The following OSBPL2 variants were observed in gnomAD, a reference collection of about 807,000 sequenced individuals.
OSBPL2 encodes oxysterol binding protein like 2, also known as oxysterol-binding protein-related protein 2.
A neutral mutation model predicts 58.4 loss-of-function variants in OSBPL2; 18 were observed. The ratio of observed to expected loss-of-function variants is 0.31; its 90% CI spans 0.21 to 0.46. The LOEUF (loss-of-function observed/expected upper bound fraction) is 0.46, where lower values mean the gene tolerates loss of function less well. Ranked by LOEUF, OSBPL2 falls within the 20% of genes least tolerant of loss-of-function variation. The pLI is 1.00. For missense variants in OSBPL2, 461 were observed against 616.5 expected (o/e 0.75, Z 2.67); for synonymous variants, 221 against 234.1 (o/e 0.94, Z 0.51).
rs1982621008 is a variant in OSBPL2 at position 62,279,240 on chromosome 20, A to G, written c.575A>G (p.His192Arg). The change falls in exon 7 of 14, where the codon CAT becomes CGT. Residue 192 changes from histidine (H) to arginine (R), a missense_variant. His to Arg is a conservative substitution (Grantham distance 29). Around this residue, in one of 5 missense-constraint regions of OSBPL2, gnomAD observed 319 missense variants for 419.2 expected, o/e 0.76. Transcript: ENST00000313733. Reference protein sequence around the residue: ...ISAFHSEGLNHDFLFHGSIYP... With the variant: ...ISAFHSEGLNRDFLFHGSIYP... ...GCGTTCCACTCGGAAGGTCTCAACCATGACTTCCTGTTCCATGGCTCCATC... is the reference window on the plus strand; with the variant it reads ...GCGTTCCACTCGGAAGGTCTCAACCGTGACTTCCTGTTCCATGGCTCCATC... 6.2e-7 allele frequency: 1 copy of G among 1,614,098 alleles called. No individual in the cohort carries two copies. The highest frequency in any genetic ancestry group is 1.7e-5 in the Admixed American group (1 of 60,008).
chr20:62,293,353 C>G (rs1983652463), intron 13 of OSBPL2, among the ~76,000 whole-genome samples: 1 of 152,202 alleles, frequency 6.6e-6, no homozygotes, highest in African/African-American at 2.4e-5. Flanking sequence ...ACACTCAGGC[C>G]CTGTGCTACC....
rs1022836666 is a variant in OSBPL2 at position 62,295,326 on chromosome 20, T to TGTGC, written c.*1440_*1443dup. 6.6e-6 allele frequency: 1 copy of TGTGC among 152,152 alleles called. No homozygotes were observed. The highest frequency in any genetic ancestry group is 2.4e-5 in the African/African-American group (1 of 41,452). 9.4% of individuals were successfully genotyped at this position (152,152 alleles called of 1,614,324 possible). ...GAGCACTTTGAAAGACCGTCGGTTG[T>TGTGC]GTGCACGCACGCACACACTCATGCA... is the stretch of plus-strand genomic sequence containing the variant. On this transcript the variant is annotated 3_prime_UTR_variant, in exon 14 of 14. Transcript: ENST00000313733. The surrounding 1 kb of genome is among the most constrained non-coding windows in gnomAD (Gnocchi z 4.8).
chr20:62,282,864 C>G (rs1982879678), intron 9 of OSBPL2, among the ~76,000 whole-genome samples: 3 of 152,166 alleles, frequency 2.0e-5, no homozygotes, highest in Non-Finnish European at 4.4e-5. Context: ...CTCTGTCCAC[C>G]CTCTATGGTA....
chr20:62,286,507 G>T, intron 10 of OSBPL2, 76 bp from the exon 11 acceptor site: 27 of 1,519,894 alleles, frequency 1.8e-5, no homozygotes, highest in Non-Finnish European at 2.3e-5. Context: ...TCTGAAAGGC[G>T]CTCTGAGAAT....
At position 62,294,350 on chromosome 20, in the gene OSBPL2, A is replaced by C. The variant is rs1176700617; in HGVS notation, c.*463A>C. On this transcript the variant is annotated 3_prime_UTR_variant, in exon 14 of 14. Coordinates refer to ENST00000313733, the MANE Select transcript of OSBPL2 (RefSeq NM_144498.4). ...GCTAATCCTGCAGAGAGTTTTATAG[A>C]GGCCAGGGATTGCCTTCTAAATTAT... 1.9e-5 allele frequency: 3 copies of C among 158,740 alleles called. No individual in the cohort carries two copies. Among genetic ancestry groups the C allele is most frequent in the African/African-American group, 7.2e-5 (3 of 41,762 alleles). The allele number at this position is 158,740 out of a possible 1,614,324, so 9.8% of individuals were successfully genotyped here.
intron 1 of OSBPL2, among the ~76,000 whole-genome samples, chr20:62,251,884 T>TTTTC (rs1980574946): frequency 8.0e-6 from 1 of 124,690 alleles, no homozygotes; most frequent in South Asian, 2.9e-4. Context: ...TTTTTTTTTT[T>TTTTC]TTTTTTTTTT....
chr20:62,246,917 G>A (rs1007873118), intron 1 of OSBPL2, among the ~76,000 whole-genome samples: 3 of 152,164 alleles, frequency 2.0e-5, no homozygotes, highest in African/African-American at 7.2e-5. Context: ...TCTGATGCTC[G>A]TAGGTGACAC....
rs1901772199 is a variant in OSBPL2 at position 62,263,702 on chromosome 20, G to A, written c.258+11G>A. 6.2e-7 allele frequency: 1 copy of A among 1,612,600 alleles called. No individual in the cohort carries two copies. The highest frequency in any genetic ancestry group is 2.2e-5 in the East Asian group (1 of 44,876). On this transcript the variant is annotated intron_variant, in intron 4 of 13. Transcript: ENST00000313733. ...AAGTGTGTTGGCCTGGTGAGTCCGG[G>A]GGCCCGTGTTCACACATGGGGCTGC...
chr20:62,247,903 T>C (rs1053380090), intron 1 of OSBPL2, among the ~76,000 whole-genome samples: 9 of 151,516 alleles, frequency 5.9e-5, no homozygotes, highest in Non-Finnish European at 7.4e-5. Flanking sequence ...GACCTTGTGA[T>C]CCGCCCACCT....
At chr20:62,291,670 C>G in intron 12 of OSBPL2, 33 bp from the exon 13 acceptor site, 1 of 1,596,132 alleles carries the variant, frequency 6.3e-7, no homozygotes, top group South Asian at 1.1e-5. Context: ...TCTAAGGTCT[C>G]TGTCTGACCT....
intron 6 of OSBPL2, among the ~76,000 whole-genome samples, chr20:62,275,403 C>CTT (rs113767931): frequency 6.9e-6 from 1 of 145,362 alleles, no homozygotes. Flanking sequence ...TTTCTTGTTC[C>CTT]TTTTTTTTTT....
chr20:62,279,879 C>A, intron 7 of OSBPL2: 2 of 1,141,826 alleles, frequency 1.8e-6, no homozygotes, highest in Non-Finnish European at 2.3e-6. Context: ...GCCCTTTGCA[C>A]ACTCCCCCAC....
At chr20:62,283,388 C>T (rs113168332) in intron 9 of OSBPL2, among the ~76,000 whole-genome samples, 4,380 of 152,138 alleles carry the variant, frequency 0.029, 90 homozygotes, top group Non-Finnish European at 0.044. Flanking sequence ...TTGCACTTCC[C>T]GGGAGTCTGT....
Position 62,260,138 on chromosome 20 carries a change from A to C in OSBPL2, c.182+13A>C. 1.2e-6 allele frequency: 2 copies of C among 1,611,130 alleles called. No homozygotes were observed. The highest frequency in any genetic ancestry group is 1.7e-6 in the Non-Finnish European group (2 of 1,178,266). ...TTCAGAAACACAGGTATGTTCTCTCACGTCTGCTGTTTCTAAAATGTGTCT... is the reference window on the plus strand; with the variant it reads ...TTCAGAAACACAGGTATGTTCTCTCCCGTCTGCTGTTTCTAAAATGTGTCT... On this transcript the variant is annotated intron_variant, in intron 3 of 13. Transcript: ENST00000313733.
intron 13 of OSBPL2, among the ~76,000 whole-genome samples, chr20:62,292,680 G>A (rs1191728310): frequency 8.5e-5 from 13 of 152,138 alleles, no homozygotes; most frequent in Admixed American, 8.5e-4. Context: ...TCTTAATTCT[G>A]TAGGCCACCT....
chr20:62,256,122 A>C lies in OSBPL2; in HGVS notation c.-63A>C. 1 of 1,561,430 alleles carries C rather than the reference A, an allele frequency of 6.4e-7. No homozygotes were observed. Among genetic ancestry groups the C allele is most frequent in the Middle Eastern group, 1.7e-4 (1 of 5,950 alleles). ...AAAATTCCTTACACTGTAGATGTGG[A>C]TCAGATACGATGATTCAGTAGAAGA... On this transcript the variant is annotated 5_prime_UTR_variant, in exon 2 of 14. Transcript: ENST00000313733.
At chr20:62,284,510 A>G (rs1982992276) in intron 10 of OSBPL2, 1 of 294,024 alleles carries the variant, frequency 3.4e-6, no homozygotes, top group African/African-American at 2.2e-5. Context: ...CCAAGTGGCT[A>G]GGACTATAGG....
Position 62,257,300 on chromosome 20 carries a change from C to T in OSBPL2, c.37+1079C>T, listed in dbSNP as rs113900590. On this transcript the variant is annotated intron_variant, in intron 2 of 13. Coordinates refer to ENST00000313733, the MANE Select transcript of OSBPL2 (RefSeq NM_144498.4). ...CCCTGCTGGAGCGGGCTGATTGTCC[C>T]GAGGCTGTGCTGCTCCTGTACCTGC... 8.7e-3 allele frequency among the ~76,000 whole-genome samples: 1,330 copies of T among 152,292 alleles called. 29 individuals carry two copies. Among genetic ancestry groups the T allele is most frequent in the African/African-American group, 0.029 (1,195 of 41,562 alleles).
chr20:62,291,614 C>A, intron 12 of OSBPL2, 89 bp from the exon 13 acceptor site: 1 of 1,059,504 alleles, frequency 9.4e-7, no homozygotes, highest in Non-Finnish European at 1.5e-6. Flanking sequence ...CACAGTGAGA[C>A]ATGCCAACTA....
Sources: allele counts gnomAD v4.1 joint callset (sites outside exome capture counted in the v4.1 genomes callset), GRCh38; gene constraint gnomAD v4.1.1; regional missense constraint gnomAD v4.1.1; non-coding constraint Gnocchi (gnomAD v3.1); transcripts MANE v1.5; gene names NCBI Gene and HGNC (gene_info 2026-07-23, HGNC 2026-07-21).